MAP3K7CL: variants seen among roughly 807,000 people sequenced by gnomAD.
MAP3K7CL encodes the protein MAP3K7 C-terminal like.
A neutral mutation model predicts 18.6 loss-of-function variants in MAP3K7CL; 16 were observed. That is an observed-to-expected ratio of 0.86 (90% CI 0.58 to 1.31). The LOEUF is 1.31. MAP3K7CL is among the 50% of genes most tolerant of loss of function. The pLI, the probability that MAP3K7CL is intolerant of heterozygous loss-of-function variation, is 0.00. For missense variants in MAP3K7CL, 163 were observed against 174.4 expected (o/e 0.93, Z 0.37); for synonymous variants, 65 against 66.8 (o/e 0.97, Z 0.13).
At chr21:29,132,291 GT>G (rs11328042) in intron 1 of MAP3K7CL, among the ~76,000 whole-genome samples, 36,620 of 125,572 alleles carry the variant, frequency 0.29, 4,611 homozygotes, top group East Asian at 0.47. Context: ...TCTGCAGGAT[GT>G]TTTTTTTCCA....
Position 29,120,853 on chromosome 21 carries a change from C to G in MAP3K7CL, c.370+28272C>G, listed in dbSNP as rs148610529. Among the ~76,000 whole-genome samples the G allele has an allele frequency of 5.5e-3, 834 of 151,694 alleles. 14 individuals carry two copies. Among genetic ancestry groups the G allele is most frequent in the African/African-American group, 0.019 (788 of 41,314 alleles). On this transcript the variant is annotated intron_variant, in intron 4 of 6. Coordinates refer to the MAP3K7CL transcript ENST00000286791. ...GGCCAAGGTGGGTGGATTGCTTTAG[C>G]CCAGGAGTTCGAGACCAGCCTGGGC...
chr21:29,135,061 C>CA lies in MAP3K7CL; in HGVS notation c.70+1655dup, dbSNP rs60478798. 5.4e-3 allele frequency among the ~76,000 whole-genome samples: 560 copies of CA among 103,196 alleles called. 6 individuals are homozygous for CA. The highest frequency in any genetic ancestry group is 0.013 in the Middle Eastern group (2 of 154). The allele number at this position is 103,196 out of a possible 152,430, so 67.7% of individuals were successfully genotyped here. ...GCAGGACTCCATCTCAAAAAAAAAA[C>CA]AAAAAAAACAAAAAACAAACCATGC... On this transcript the variant is annotated intron_variant, in intron 2 of 4. Coordinates refer to ENST00000399928, the MANE Select transcript of MAP3K7CL (RefSeq NM_001286620.2).
intron 4 of MAP3K7CL, among the ~76,000 whole-genome samples, chr21:29,101,180 A>C (rs899703739): frequency 6.6e-6 from 1 of 152,148 alleles, no homozygotes; most frequent in Non-Finnish European, 1.5e-5. Flanking sequence ...CTCAGCATCT[A>C]CTACAAAGCT....
chr21:29,110,799 AG>A (rs1309796495), intron 4 of MAP3K7CL, among the ~76,000 whole-genome samples: 1 of 152,180 alleles, frequency 6.6e-6, no homozygotes, highest in Non-Finnish European at 1.5e-5. Context: ...TTAATTGTGA[AG>A]AACTTCTTTT....
At chr21:29,149,291 G>A in intron 3 of MAP3K7CL, 41 bp downstream of exon 3, 1 of 1,571,550 alleles carries the variant, frequency 6.4e-7, no homozygotes, top group East Asian at 2.2e-5. Flanking sequence ...CCTCCTTAGT[G>A]TCATAAAGTA....
At chr21:29,098,729 T>C (rs2086167217) in intron 4 of MAP3K7CL, among the ~76,000 whole-genome samples, 1 of 152,184 alleles carries the variant, frequency 6.6e-6, no homozygotes, top group Non-Finnish European at 1.5e-5. Context: ...AATGGATGAT[T>C]TAAACAGCCA....
chr21:29,121,524 CTTCTTTT>C (rs1374352311), intron 4 of MAP3K7CL, among the ~76,000 whole-genome samples: 5 of 150,090 alleles, frequency 3.3e-5, no homozygotes, highest in African/African-American at 1.3e-4. Flanking sequence ...CAGAGCTAAA[CTTCTTTT>C]TTCTTTTTTC....
intron 4 of MAP3K7CL, among the ~76,000 whole-genome samples, chr21:29,095,477 C>T (rs988276570): frequency 6.6e-6 from 1 of 152,180 alleles, no homozygotes; most frequent in Non-Finnish European, 1.5e-5. Context: ...TCTTTTGCCT[C>T]TTGCCCGCAC....
chr21:29,080,409 G>A (rs536642034), intron 1 of MAP3K7CL: 11 of 152,372 alleles, frequency 7.2e-5, no homozygotes, highest in African/African-American at 2.4e-4. Flanking sequence ...TAAGGCTGCC[G>A]TGGTTTAAAC....
chr21:29,165,500 G>C (rs538659220), intron 4 of MAP3K7CL, among the ~76,000 whole-genome samples: 2 of 151,974 alleles, frequency 1.3e-5, no homozygotes, highest in Non-Finnish European at 2.9e-5. Flanking sequence ...ACCCTTTCCC[G>C]AGTCCCCAAA....
upstream of MAP3K7CL, among the ~76,000 whole-genome samples, chr21:29,083,978 ATAACAT>A (rs2085881660): frequency 6.8e-6 from 1 of 147,260 alleles, no homozygotes; most frequent in Non-Finnish European, 1.5e-5. Context: ...ATAATTGTAT[ATAACAT>A]ATGTATACAC....
intron 4 of MAP3K7CL, among the ~76,000 whole-genome samples, chr21:29,102,025 C>G (rs531548371): frequency 8.7e-4 from 132 of 152,288 alleles, no homozygotes; most frequent in Middle Eastern, 6.8e-3. Flanking sequence ...GTGGATGTCA[C>G]AGTCAGGATC....
At chr21:29,084,024 T>G (rs1305801078), upstream of MAP3K7CL, among the ~76,000 whole-genome samples, 2 of 148,012 alleles carry the variant, frequency 1.4e-5, no homozygotes, top group African/African-American at 2.5e-5. Flanking sequence ...TTATGACATA[T>G]ATGTAATATA....
At chr21:29,159,363 G>T (rs1601259373) in intron 3 of MAP3K7CL, among the ~76,000 whole-genome samples, 1 of 151,228 alleles carries the variant, frequency 6.6e-6, no homozygotes, top group East Asian at 1.9e-4. Flanking sequence ...TATAGGGATG[G>T]TTTTTTTTTA....
At chr21:29,138,156 G>C (rs1406424241) in intron 2 of MAP3K7CL, among the ~76,000 whole-genome samples, 1 of 152,124 alleles carries the variant, frequency 6.6e-6, no homozygotes, top group African/African-American at 2.4e-5. Flanking sequence ...AAGGAAACAA[G>C]GTTTTGGAGA....
intron 4 of MAP3K7CL, among the ~76,000 whole-genome samples, chr21:29,093,787 G>A (rs1035162786): frequency 3.3e-5 from 5 of 151,998 alleles, no homozygotes; most frequent in African/African-American, 4.8e-5. Flanking sequence ...CACCGCGCCC[G>A]GCCGAGAAGG....
At chr21:29,161,076 C>A (rs2471946) in intron 4 of MAP3K7CL, among the ~76,000 whole-genome samples, 4 of 152,060 alleles carry the variant, frequency 2.6e-5, no homozygotes, top group Admixed American at 2.0e-4. Context: ...TTTAGGAGGC[C>A]GAGGCTGGTA....
chr21:29,120,226 T>G (rs2086569667), intron 4 of MAP3K7CL, among the ~76,000 whole-genome samples: 1 of 152,150 alleles, frequency 6.6e-6, no homozygotes, highest in Admixed American at 6.5e-5. Flanking sequence ...ATTGGTATCT[T>G]TGTGTCTTTG....
intron 4 of MAP3K7CL, among the ~76,000 whole-genome samples, chr21:29,167,558 C>T (rs2087719684): frequency 1.3e-5 from 2 of 151,480 alleles, no homozygotes; most frequent in African/African-American, 4.9e-5. Context: ...TTATGTTTAA[C>T]CAGAAGGATT....
Sources: allele counts gnomAD v4.1 joint callset (sites outside exome capture counted in the v4.1 genomes callset), GRCh38; gene constraint gnomAD v4.1.1; transcripts MANE v1.5; gene names NCBI Gene and HGNC (gene_info 2026-07-23, HGNC 2026-07-21).